Variants in NRXN3 observed in about 807,000 individuals in gnomAD.
The protein encoded by NRXN3 is neurexin III.
A neutral mutation model predicts 137.6 loss-of-function variants in NRXN3; 32 were observed. The observed-to-expected ratio is 0.23, with a 90% CI of 0.18 to 0.31. NRXN3 has a LOEUF of 0.31. Among genes scored for constraint, NRXN3 ranks in the 10% least tolerant of loss-of-function variants. NRXN3 has a pLI of 1.00. For synonymous variants in NRXN3, 798 were observed against 784.5 expected, an observed-to-expected ratio of 1.02 and a Z score of -0.29; for missense variants, 1,574 against 2,062.5, an observed-to-expected ratio of 0.76 and a Z score of 4.59.
chr14:78,887,560 A>G (rs2099147181), intron 10 of NRXN3, among the ~76,000 whole-genome samples: 1 of 152,072 alleles, frequency 6.6e-6, no homozygotes, highest in Admixed American at 6.6e-5. Flanking sequence ...CAAGAACCTC[A>G]GGGTTTTCCT....
intron 8 of NRXN3, among the ~76,000 whole-genome samples, chr14:78,781,107 C>T (rs1365168380): frequency 3.3e-5 from 5 of 152,112 alleles, no homozygotes; most frequent in African/African-American, 9.7e-5. Context: ...ATGAGAGCTA[C>T]ATGCAACATT....
chr14:78,584,741 A>G (rs139218015), intron 4 of NRXN3, among the ~76,000 whole-genome samples: 1 of 152,334 alleles, frequency 6.6e-6, no homozygotes, highest in East Asian at 1.9e-4. Flanking sequence ...TGAATTTTAC[A>G]TCTTGTGTGA....
intron 4 of NRXN3, among the ~76,000 whole-genome samples, chr14:78,320,867 C>T (rs1311820846): frequency 6.6e-6 from 1 of 151,922 alleles, no homozygotes; most frequent in Non-Finnish European, 1.5e-5. Flanking sequence ...CCTGTAATCC[C>T]AGAACTTTGG....
intron 15 of NRXN3, among the ~76,000 whole-genome samples, chr14:79,126,739 G>C (rs915048188): frequency 1.3e-5 from 2 of 152,100 alleles, no homozygotes; most frequent in Non-Finnish European, 2.9e-5. Context: ...GGATCCCTGA[G>C]GAATCGCCAC....
At chr14:78,669,384 A>G (rs755702182) in intron 6 of NRXN3, among the ~76,000 whole-genome samples, 19 of 152,112 alleles carry the variant, frequency 1.2e-4, no homozygotes, top group African/African-American at 2.2e-4. Context: ...GTGAAAGCAA[A>G]TTTTTAAGAG....
At chr14:79,116,104 A>G (rs1031757251) in intron 15 of NRXN3, among the ~76,000 whole-genome samples, 5 of 152,216 alleles carry the variant, frequency 3.3e-5, no homozygotes, top group African/African-American at 1.2e-4. Flanking sequence ...CCAATAGCAC[A>G]AAATTCAATT....
intron 20 of NRXN3, among the ~76,000 whole-genome samples, chr14:79,846,771 A>C (rs911752494): frequency 6.6e-6 from 1 of 152,190 alleles, no homozygotes; most frequent in Non-Finnish European, 1.5e-5. Context: ...AAACAACTTT[A>C]GGAAAGGGAT....
intron 4 of NRXN3, among the ~76,000 whole-genome samples, chr14:78,314,976 T>TTCCC (rs1567235784): frequency 1.3e-4 from 12 of 88,930 alleles, no homozygotes; most frequent in East Asian, 1.1e-3. Flanking sequence ...CCTTCCTTCC[T>TTCCC]TCCTTCCTTC....
intron 4 of NRXN3, among the ~76,000 whole-genome samples, chr14:78,408,444 G>T (rs140525402): frequency 6.6e-6 from 1 of 152,296 alleles, no homozygotes; most frequent in East Asian, 1.9e-4. Flanking sequence ...ACATATAAGA[G>T]AAATTTATCA....
chr14:78,807,742 A>AGG (rs2098884006), intron 9 of NRXN3, among the ~76,000 whole-genome samples: 1 of 132,316 alleles, frequency 7.6e-6, no homozygotes, highest in East Asian at 2.2e-4. Flanking sequence ...CTCAAAAAAA[A>AGG]AAAAAAAAAA....
At chr14:79,605,831 C>A (rs28409072) in intron 16 of NRXN3, among the ~76,000 whole-genome samples, 1 of 152,094 alleles carries the variant, frequency 6.6e-6, no homozygotes. Context: ...CAACACCCTG[C>A]GTATGCCAAG....
At chr14:78,400,886 T>A (rs2091982596) in intron 4 of NRXN3, among the ~76,000 whole-genome samples, 1 of 152,200 alleles carries the variant, frequency 6.6e-6, no homozygotes, top group Non-Finnish European at 1.5e-5. Context: ...CATCTTCATC[T>A]GTTTGTGCTG....
At chr14:78,772,344 T>G (rs536270254) in intron 8 of NRXN3, among the ~76,000 whole-genome samples, 1 of 152,204 alleles carries the variant, frequency 6.6e-6, no homozygotes, top group South Asian at 2.1e-4. Flanking sequence ...GACGCACCAT[T>G]GACCAAAGTT....
At chr14:78,352,559 C>T (rs950485862) in intron 4 of NRXN3, among the ~76,000 whole-genome samples, 7 of 152,046 alleles carry the variant, frequency 4.6e-5, no homozygotes, top group Admixed American at 3.3e-4. Context: ...TGTTTATTGG[C>T]GGGGTTGGGG....
chr14:79,231,628 G>A (rs902357388), intron 15 of NRXN3, among the ~76,000 whole-genome samples: 5 of 152,146 alleles, frequency 3.3e-5, no homozygotes, highest in African/African-American at 4.8e-5. Context: ...AGAGCTGAAA[G>A]GTAAGAGTCA....
intron 4 of NRXN3, among the ~76,000 whole-genome samples, chr14:78,630,179 C>T (rs532828318): frequency 6.6e-6 from 1 of 152,286 alleles, no homozygotes; most frequent in East Asian, 1.9e-4. Context: ...TGGTGGACCT[C>T]TTTTCAGGAC....
intron 16 of NRXN3, among the ~76,000 whole-genome samples, chr14:79,538,516 A>C (rs943123594): frequency 7.9e-5 from 12 of 152,292 alleles, no homozygotes; most frequent in African/African-American, 2.9e-4. Flanking sequence ...AGCTTTCTAC[A>C]TATGGCTAGC....
chr14:78,260,006 T>C (rs8011384), intron 2 of NRXN3, among the ~76,000 whole-genome samples: 11,432 of 152,230 alleles, frequency 0.075, 833 homozygotes, highest in East Asian at 0.27. Context: ...TGGACATGCA[T>C]GCTTTACACA....
At chr14:79,542,440 C>T (rs1229680919) in intron 16 of NRXN3, among the ~76,000 whole-genome samples, 1 of 152,184 alleles carries the variant, frequency 6.6e-6, no homozygotes, top group Non-Finnish European at 1.5e-5. Context: ...ACGTGAACAT[C>T]CTTCTCTAGA....
Sources: gnomAD v4.1 joint callset for allele counts (sites outside exome capture counted in the v4.1 genomes callset) on GRCh38, gnomAD v4.1.1 for gene constraint, MANE v1.5 for transcripts, NCBI Gene and HGNC (gene_info 2026-07-23, HGNC 2026-07-21) for gene names.